Variants in RPTOR observed in about 807,000 individuals in gnomAD.
RPTOR encodes the protein regulatory associated protein of MTOR complex 1, also known as regulatory-associated protein of mTOR.
RPTOR carries 21 observed loss-of-function variants against 169.9 expected under a neutral mutation model. The observed-to-expected ratio is 0.12, with a 90% CI of 0.09 to 0.18. The LOEUF is 0.18. Ranked by LOEUF, RPTOR falls within the 10% of genes least tolerant of loss-of-function variation. The pLI is 1.00. For synonymous variants in RPTOR, 732 were observed against 753.2 expected, an observed-to-expected ratio of 0.97 and a Z score of 0.46; for missense variants, 1,133 against 1,855.9, an observed-to-expected ratio of 0.61 and a Z score of 7.16.
At chr17:80,825,074 T>G (rs1485193129) in intron 9 of RPTOR, among the ~76,000 whole-genome samples, 1 of 143,066 alleles carries the variant, frequency 7.0e-6, no homozygotes. Context: ...ATCCCACCTC[T>G]CCATCTAGAG....
chr17:80,855,107 A>T lies in RPTOR; in HGVS notation c.1315-357A>T, dbSNP rs115433510. On this transcript the variant is annotated intron_variant, in intron 11 of 33. Coordinates refer to ENST00000306801, the MANE Select transcript of RPTOR (RefSeq NM_020761.3). The stretch of plus-strand genomic sequence containing the variant: ...AAAAGGAGCTGAGAAATAGAATCAC[A>T]TATTATCTAGTTCAAGATCAGTAAG... Among the ~76,000 whole-genome samples the T allele has an allele frequency of 3.7e-3, 571 of 152,336 alleles. 5 individuals carry two copies. Among genetic ancestry groups the T allele is most frequent in the African/African-American group, 0.013 (544 of 41,586 alleles).
At position 80,855,403 on chromosome 17, in the gene RPTOR, C is replaced by T. The variant is rs578041785; in HGVS notation, c.1315-61C>T. 13 of 1,256,200 alleles carry T rather than the reference C, an allele frequency of 1.0e-5. No individual in the cohort carries two copies. In the South Asian group the frequency reaches 1.1e-4, roughly 10 times the overall value. 77.8% of individuals were successfully genotyped at this position (1,256,200 alleles called of 1,614,324 possible). The stretch of plus-strand genomic sequence containing the variant: ...CCAAAGCTGGCAGCTCATGCAGCAG[C>T]GTTTCGGGGTTGCACACCAGTATGG... On this transcript the variant is annotated intron_variant, in intron 11 of 33. Transcript: ENST00000306801.
chr17:80,746,043 T>C lies in RPTOR; in HGVS notation c.655-7967T>C, dbSNP rs147089412. Among the ~76,000 whole-genome samples the C allele has an allele frequency of 2.4e-3, 367 of 152,018 alleles. 6 individuals are homozygous for C. The highest frequency in any genetic ancestry group is 8.4e-3 in the African/African-American group (348 of 41,430). On this transcript the variant is annotated intron_variant, in intron 5 of 33. Coordinates refer to ENST00000306801, the MANE Select transcript of RPTOR (RefSeq NM_020761.3). The surrounding 1 kb of genome is among the most constrained non-coding windows in gnomAD (Gnocchi z 4.5). ...CAGACGTGGTGGCGCATACCTGTAA[T>C]CCCAGCTACTTGAGAGGCTGAGGCG...
At position 80,844,217 on chromosome 17, in the gene RPTOR, A is replaced by G. The variant is rs1324877588; in HGVS notation, c.1213-2256A>G. On this transcript the variant is annotated intron_variant, in intron 10 of 33. Transcript: ENST00000306801. The surrounding 1 kb of genome is among the most constrained non-coding windows in gnomAD (Gnocchi z 4.7). Reference sequence around the variant, plus strand: ...CCGCAGGCGCTTGCTCTAATTCGTCAGCCTCCCCGTGGCTTTAGGGAGCTT... The same window carrying G: ...CCGCAGGCGCTTGCTCTAATTCGTCGGCCTCCCCGTGGCTTTAGGGAGCTT... Among the ~76,000 whole-genome samples the G allele has an allele frequency of 6.6e-6, 1 of 152,198 alleles. No individual in the cohort carries two copies. The highest frequency in any genetic ancestry group is 1.5e-5 in the Non-Finnish European group (1 of 68,038).
At chr17:80,955,332 A>G (rs2069234773) in intron 28 of RPTOR, among the ~76,000 whole-genome samples, 1 of 152,242 alleles carries the variant, frequency 6.6e-6, no homozygotes. Context: ...CGCACTAGGG[A>G]AGGAGCCATG....
rs1251252240 is a variant in RPTOR, at chr17:80,726,688, TAGG to T, written c.508-3871_508-3869del. On this transcript the variant is annotated intron_variant, in intron 4 of 33. Transcript: ENST00000306801. The surrounding 1 kb of genome is among the most constrained non-coding windows in gnomAD (Gnocchi z 4.5). ...CGCAGAGGACGTTGTGAGGTGGCTG[TAGG>T]GTCAGGTGGCTGTAGGGTCAGGGCT... Among the ~76,000 whole-genome samples the T allele has an allele frequency of 6.6e-6, 1 of 152,060 alleles. No individual in the cohort carries two copies. Among genetic ancestry groups the T allele is most frequent in the Non-Finnish European group, 1.5e-5 (1 of 67,990 alleles).
chr17:80,779,580 G>T (rs563508226), intron 6 of RPTOR, among the ~76,000 whole-genome samples: 1 of 152,288 alleles, frequency 6.6e-6, no homozygotes, highest in East Asian at 1.9e-4. Context: ...CGCAGGCACT[G>T]CCCCTCCGAC....
Position 80,966,132 on chromosome 17 carries a change from C to T in RPTOR, c.*1802C>T, listed in dbSNP as rs1309929331. The stretch of plus-strand genomic sequence containing the variant: ...AGGGGTCAAGACCCCCCCCCGCCCC[C>T]GCTCCACCCTGGAGCCCACCCCCAT... On this transcript the variant is annotated 3_prime_UTR_variant, in exon 34 of 34. Transcript: ENST00000306801. The T allele has an allele frequency of 8.9e-6, 2 of 224,068 alleles. No homozygotes were observed. Among genetic ancestry groups the T allele is most frequent in the East Asian group, 1.3e-4 (2 of 15,748 alleles). 13.9% of individuals were successfully genotyped at this position (224,068 alleles called of 1,614,324 possible).
intron 6 of RPTOR, among the ~76,000 whole-genome samples, chr17:80,765,169 A>G (rs544052738): frequency 6.6e-6 from 1 of 152,284 alleles, no homozygotes; most frequent in Admixed American, 6.5e-5. Flanking sequence ...CTGCATCCAT[A>G]GGGTCTCTGC....
intron 3 of RPTOR, among the ~76,000 whole-genome samples, chr17:80,658,565 G>A (rs889625948): frequency 6.6e-6 from 1 of 152,140 alleles, no homozygotes; most frequent in African/African-American, 2.4e-5. Flanking sequence ...TACTTCATAT[G>A]TATCCTTTTT....
chr17:80,963,327 A>T (rs1306611642), intron 33 of RPTOR, among the ~76,000 whole-genome samples: 1 of 152,014 alleles, frequency 6.6e-6, no homozygotes, highest in Non-Finnish European at 1.5e-5. Context: ...CAGACCCTGC[A>T]CTAAAGCCAT....
intron 1 of RPTOR, among the ~76,000 whole-genome samples, chr17:80,615,582 A>G (rs2143501148): frequency 6.6e-6 from 1 of 152,296 alleles, no homozygotes; most frequent in Admixed American, 6.5e-5. Context: ...CAGCTGTGCA[A>G]GACCTTTGAT....
At position 80,791,360 on chromosome 17, in the gene RPTOR, C is replaced by T. The variant is rs1179045052; in HGVS notation, c.831-90C>T. The T allele has an allele frequency of 4.3e-6, 5 of 1,155,608 alleles. No individual in the cohort carries two copies. The East Asian group carries it at 1.2e-4, about 28-fold the overall frequency. The allele number at this position is 1,155,608 out of a possible 1,614,324, so 71.6% of individuals were successfully genotyped here. ...TTCACCGTGGTAGTCCCTGTCCCCA[C>T]CTTTAACTCTTCCCTTTTTCTGCAG... On this transcript the variant is annotated intron_variant, in intron 6 of 33. Coordinates refer to ENST00000306801, the MANE Select transcript of RPTOR (RefSeq NM_020761.3).
At chr17:80,736,436 C>T (rs1306064957) in intron 5 of RPTOR, among the ~76,000 whole-genome samples, 6 of 152,162 alleles carry the variant, frequency 3.9e-5, no homozygotes, top group Non-Finnish European at 1.5e-5. Flanking sequence ...CTTAACCGCC[C>T]CCCGCCCCTA....
At chr17:80,598,514 G>A (rs1046124297) in intron 1 of RPTOR, among the ~76,000 whole-genome samples, 7 of 152,188 alleles carry the variant, frequency 4.6e-5, no homozygotes, top group Admixed American at 2.0e-4. Context: ...AAAATGTGAA[G>A]GTCATCTGCA....
In RPTOR at chr17:80,886,722, G is replaced by A. The variant is rs936358744; in HGVS notation, c.1983+1574G>A. 1.1e-3 allele frequency among the ~76,000 whole-genome samples: 174 copies of A among 152,310 alleles called. 2 individuals are homozygous for A. The highest frequency in any genetic ancestry group is 4.0e-3 in the African/African-American group (168 of 41,570). The stretch of plus-strand genomic sequence containing the variant: ...CACCGGGAGCGGTCCGGCGTCACTC[G>A]CCTGCACGGCTGCCTGCTGAACCTG... On this transcript the variant is annotated intron_variant, in intron 17 of 33. Coordinates refer to ENST00000306801, the MANE Select transcript of RPTOR (RefSeq NM_020761.3).
intron 1 of RPTOR, among the ~76,000 whole-genome samples, chr17:80,585,117 A>T (rs1045812695): frequency 2.6e-5 from 4 of 151,950 alleles, no homozygotes; most frequent in African/African-American, 9.7e-5. Context: ...CAAATTATGT[A>T]AGAATGTGGT....
At position 80,845,351 on chromosome 17, in the gene RPTOR, C is replaced by G. The variant is rs1348851259; in HGVS notation, c.1213-1122C>G. ...CAAGCATTTTTTTTGGTCTCCCTCACCCGCGCGCCTTCTCTGTCCAGCTGC... is the reference window on the plus strand; with the variant it reads ...CAAGCATTTTTTTTGGTCTCCCTCAGCCGCGCGCCTTCTCTGTCCAGCTGC... On this transcript the variant is annotated intron_variant, in intron 10 of 33. Transcript: ENST00000306801. This position sits in a 1 kb window ranked among gnomAD's most constrained non-coding sequence, Gnocchi z 5.4. Among the ~76,000 whole-genome samples, 1 of 152,122 alleles carries G rather than the reference C, an allele frequency of 6.6e-6. No individual in the cohort carries two copies. The highest frequency in any genetic ancestry group is 1.5e-5 in the Non-Finnish European group (1 of 68,016).
At chr17:80,729,391 G>A (rs1026364044) in intron 4 of RPTOR, among the ~76,000 whole-genome samples, 6 of 152,202 alleles carry the variant, frequency 3.9e-5, no homozygotes, top group South Asian at 2.1e-4. Context: ...TAATGAACGT[G>A]TTCTGTGGAG....
Sources: allele counts gnomAD v4.1 joint callset (sites outside exome capture counted in the v4.1 genomes callset), GRCh38; gene constraint gnomAD v4.1.1; non-coding constraint Gnocchi (gnomAD v3.1); transcripts MANE v1.5; gene names NCBI Gene and HGNC (gene_info 2026-07-23, HGNC 2026-07-21).